The following ERCC6L2 variants were observed in gnomAD, a reference collection of about 807,000 sequenced individuals.
ERCC6L2 encodes DNA excision repair protein ERCC-6-like 2.
ERCC6L2 carries 77 observed loss-of-function variants against 132.0 expected under a neutral mutation model. The ratio of observed to expected loss-of-function variants is 0.58; its 90% CI spans 0.49 to 0.71. The LOEUF is 0.71. ERCC6L2 is among the 30% of genes least tolerant of loss of function. The pLI, the probability that ERCC6L2 is intolerant of heterozygous loss-of-function variation, is 0.00. For synonymous variants in ERCC6L2, 583 were observed against 632.4 expected (o/e 0.92, Z 1.17); for missense variants, 1,542 against 1,837.6 (o/e 0.84, Z 2.94).
At chr9:96,034,038 G>A (rs956784946) in intron 19 of ERCC6L2, among the ~76,000 whole-genome samples, 20 of 152,334 alleles carry the variant, frequency 1.3e-4, no homozygotes, top group African/African-American at 1.4e-4. Context: ...GCTGCTCTCC[G>A]GTCACTGGGA....
At chr9:96,026,232 C>T (rs2133257202) in intron 19 of ERCC6L2, among the ~76,000 whole-genome samples, 1 of 152,308 alleles carries the variant, frequency 6.6e-6, no homozygotes, top group East Asian at 1.9e-4. Flanking sequence ...GTTGGGAGTC[C>T]GGGGGGTTAT....
At position 95,880,977 on chromosome 9, in the gene ERCC6L2, C is replaced by T. The variant is rs1827557898; in HGVS notation, c.155C>T (p.Ala52Val). The T allele has an allele frequency of 1.2e-6, 2 of 1,613,942 alleles. No homozygotes were observed. The highest frequency in any genetic ancestry group is 1.3e-5 in the African/African-American group (1 of 75,022). The change falls in exon 2 of 19, where the codon GCA (alanine) becomes GTA (valine). Residue 52 changes from alanine (A) to valine (V), a missense_variant. By Grantham distance (64) the Ala-to-Val change is moderately conservative. Coordinates refer to ENST00000653738, the MANE Select transcript of ERCC6L2 (RefSeq NM_020207.7). ...ITVDENGKSF[A>V]VVLYADFQER... ...GTGGATGAAAATGGCAAGTCATTTG[C>T]AGTCGTCTTATATGCAGATTTTCAA...
intron 13 of ERCC6L2, among the ~76,000 whole-genome samples, chr9:95,962,627 G>A (rs1236034513): frequency 6.6e-6 from 1 of 152,142 alleles, no homozygotes; most frequent in Admixed American, 6.6e-5. Flanking sequence ...CAGTGTTTCA[G>A]TGTGTTTAGA....
chr9:95,905,192 A>T (rs1434953435), intron 3 of ERCC6L2: 1 of 152,186 alleles, frequency 6.6e-6, no homozygotes, highest in African/African-American at 2.4e-5. Context: ...AAGACTTATT[A>T]AATGAAATAT....
chr9:96,007,321 T>C (rs541126757), intron 18 of ERCC6L2, among the ~76,000 whole-genome samples: 1 of 152,178 alleles, frequency 6.6e-6, no homozygotes, highest in East Asian at 1.9e-4. Context: ...TAAGATGAGT[T>C]TGGAGGTGAG....
In ERCC6L2 at chr9:96,012,290, T is replaced by C; in HGVS notation, c.3740T>C (p.Ile1247Thr). The C allele has an allele frequency of 7.4e-7, 1 of 1,344,544 alleles. No individual in the cohort carries two copies. The highest frequency in any genetic ancestry group is 9.9e-7 in the Non-Finnish European group (1 of 1,006,484). The allele number at this position is 1,344,544 out of a possible 1,614,324, so 83.3% of individuals were successfully genotyped here. A position where few individuals can be genotyped will look rare whatever the true frequency, so the allele number is the denominator to read the frequency against. ...SSSVNEFAKH[I>T]TNATSEERQK... ...TCTGTAAACGAATTTGCTAAACATATAACCAATGCCACATCAGAAGAACGA... is the reference window on the plus strand; with the variant it reads ...TCTGTAAACGAATTTGCTAAACATACAACCAATGCCACATCAGAAGAACGA... The change falls in exon 19 of 19, where the codon ATA (isoleucine) becomes ACA (threonine). Residue 1247 changes from isoleucine (I) to threonine (T), a missense_variant. Around this residue, in one of 4 missense-constraint regions of ERCC6L2, gnomAD observed 442 missense variants for 583.4 expected, o/e 0.76. Transcript: ENST00000653738.
Position 96,013,324 on chromosome 9 carries a change from T to C in ERCC6L2, c.*121T>C. 1.1e-6 allele frequency: 1 copy of C among 898,432 alleles called. No homozygotes were observed. The highest frequency in any genetic ancestry group is 1.5e-6 in the Non-Finnish European group (1 of 668,312). The allele number at this position is 898,432 out of a possible 1,614,324, so 55.7% of individuals were successfully genotyped here. The stretch of plus-strand genomic sequence containing the variant: ...ACATATATTTTTATTAAATTATTGC[T>C]TTAGGATTTTTTGAAGTCTAAAGTA... On this transcript the variant is annotated 3_prime_UTR_variant, in exon 19 of 19. Coordinates refer to ENST00000653738, the MANE Select transcript of ERCC6L2 (RefSeq NM_020207.7).
At chr9:95,907,358 G>A in intron 4 of ERCC6L2, 87 bp downstream of exon 4, 1 of 549,648 alleles carries the variant, frequency 1.8e-6, no homozygotes, top group Non-Finnish European at 2.6e-6. Flanking sequence ...TTTTTTTTTT[G>A]AGACAGAGTC....
chr9:96,012,732 A>C lies in ERCC6L2; in HGVS notation c.4182A>C (p.Arg1394Ser), dbSNP rs745453995. The change falls in exon 19 of 19, where the codon AGA (arginine) becomes AGC (serine). Residue 1394 changes from arginine to serine, a missense_variant. Physicochemically the swap from Arg to Ser is moderately radical, Grantham distance 110. Transcript: ENST00000653738. ...ACAGTGAGTCTGAAACACGTGAGAG[A>C]AGGTTAGAAAATACCATGAAAGACC... ...SLNSESETRE[R>S]RLENTMKDQQ... 1 of 1,367,662 alleles carries C rather than the reference A, an allele frequency of 7.3e-7. No homozygotes were observed. Among genetic ancestry groups the C allele is most frequent in the Non-Finnish European group, 9.8e-7 (1 of 1,021,840 alleles). 84.7% of individuals were successfully genotyped at this position (1,367,662 alleles called of 1,614,324 possible).
intron 3 of ERCC6L2, among the ~76,000 whole-genome samples, chr9:95,899,381 G>A (rs1375585336): frequency 6.6e-6 from 1 of 152,044 alleles, no homozygotes; most frequent in African/African-American, 2.4e-5. Context: ...AGCCTGGGGA[G>A]GTTGAGGCTG....
chr9:95,965,541 C>A (rs574540013), intron 13 of ERCC6L2, among the ~76,000 whole-genome samples: 1 of 152,098 alleles, frequency 6.6e-6, no homozygotes, highest in East Asian at 1.9e-4. Context: ...GTGACGGAGT[C>A]TTTGTCACCC....
chr9:95,969,505 G>C, intron 14 of ERCC6L2, among the ~76,000 whole-genome samples: 1 of 152,158 alleles, frequency 6.6e-6, no homozygotes, highest in East Asian at 1.9e-4. Context: ...ATGAGTAAAA[G>C]AGAAGAGTTA....
chr9:96,029,859 A>T (rs2133264206), intron 19 of ERCC6L2, among the ~76,000 whole-genome samples: 1 of 150,850 alleles, frequency 6.6e-6, no homozygotes, highest in African/African-American at 2.4e-5. Context: ...TGCCCCTCCC[A>T]GGGTTAGCTG....
At chr9:96,025,503 G>A (rs890977175) in intron 19 of ERCC6L2, among the ~76,000 whole-genome samples, 1 of 152,160 alleles carries the variant, frequency 6.6e-6, no homozygotes, top group Non-Finnish European at 1.5e-5. Context: ...TTAGTAGATG[G>A]GTGGTCTGAG....
chr9:95,946,071 T>C (rs994413764), intron 12 of ERCC6L2, among the ~76,000 whole-genome samples: 1 of 152,024 alleles, frequency 6.6e-6, no homozygotes, highest in African/African-American at 2.4e-5. Context: ...TAATATCAAA[T>C]TATTAATAGA....
chr9:95,954,155 G>A (rs985659269), intron 12 of ERCC6L2, among the ~76,000 whole-genome samples: 4 of 152,134 alleles, frequency 2.6e-5, no homozygotes, highest in Non-Finnish European at 5.9e-5. Context: ...TAAGTGGCAG[G>A]GTCAGGATCT....
At chr9:96,021,285 TAAAGA>T (rs1834284358), downstream of ERCC6L2, 1 of 338,218 alleles carries the variant, frequency 3.0e-6, no homozygotes, top group Non-Finnish European at 5.8e-6. The surrounding 1 kb of genome is among the most constrained non-coding windows in gnomAD (Gnocchi z 4.7). Context: ...CTTTTCTCTG[TAAAGA>T]AAAGAGAAAG....
At chr9:95,889,432 T>G (rs2132555171) in intron 2 of ERCC6L2, among the ~76,000 whole-genome samples, 1 of 152,194 alleles carries the variant, frequency 6.6e-6, no homozygotes. Context: ...TGAGGACCAG[T>G]TGCCTAAAAT....
chr9:96,039,891 C>T (rs1834559224), intron 20 of ERCC6L2, among the ~76,000 whole-genome samples: 1 of 152,060 alleles, frequency 6.6e-6, no homozygotes, highest in Non-Finnish European at 1.5e-5. Context: ...AGTGTCGAAT[C>T]TACTATCTGC....
Sources: gnomAD v4.1 joint callset for allele counts (sites outside exome capture counted in the v4.1 genomes callset) on GRCh38, gnomAD v4.1.1 for gene constraint, gnomAD v4.1.1 regional missense constraint, Gnocchi (gnomAD v3.1) non-coding constraint, MANE v1.5 for transcripts, NCBI Gene and HGNC (gene_info 2026-07-23, HGNC 2026-07-21) for gene names.